Variants in PMPCB observed in about 807,000 individuals in gnomAD.
PMPCB encodes peptidase, mitochondrial processing subunit beta, also known as mitochondrial-processing peptidase subunit beta.
Under a neutral mutation model 61.5 loss-of-function variants are expected in PMPCB, and 46 were observed. The ratio of observed to expected loss-of-function variants is 0.75; its 90% CI spans 0.59 to 0.96. PMPCB has a LOEUF of 0.96. PMPCB is among the 40% of genes least tolerant of loss of function. The probability of loss-of-function intolerance (pLI) is 0.00; values close to 1 mark genes in which losing one functional copy is unlikely to be tolerated. For synonymous variants in PMPCB, 191 were observed against 201.6 expected (o/e 0.95, Z 0.44); for missense variants, 590 against 602.4 (o/e 0.98, Z 0.22).
At chr7:103,323,506 A>G (rs1586084288) in intron 12 of PMPCB, 1 of 1,259,794 alleles carries the variant, frequency 7.9e-7, no homozygotes, top group Non-Finnish European at 1.1e-6. Context: ...AAGAGAAAAT[A>G]TGAAAGAAAA....
rs753585538 is a variant in PMPCB, at chr7:103,312,282, A to G, written c.*11A>G. ...TGGCTTCGTGATTAAAATGCTCCTA[A>G]TCAAGATTGTTTGAACACATGTATT... On this transcript the variant is annotated 3_prime_UTR_variant, in exon 13 of 13. Coordinates refer to ENST00000249269, the MANE Select transcript of PMPCB (RefSeq NM_004279.3). 2 of 1,608,840 alleles carry G rather than the reference A, an allele frequency of 1.2e-6. No homozygotes were observed. Among genetic ancestry groups the G allele is most frequent in the Admixed American group, 1.7e-5 (1 of 60,004 alleles).
chr7:103,315,678 T>G, downstream of PMPCB: 4 of 841,502 alleles, frequency 4.8e-6, no homozygotes, highest in Non-Finnish European at 7.7e-6. Flanking sequence ...TTCCCTATCA[T>G]TCTGAACATA....
chr7:103,334,972 T>A, the PMPCB span, among the ~76,000 whole-genome samples: 2 of 152,072 alleles, frequency 1.3e-5, no homozygotes, highest in African/African-American at 4.8e-5. Context: ...TAGCTGGGAT[T>A]ACAGGCATGC....
intron 12 of PMPCB, chr7:103,319,907 A>G (rs1818286659): frequency 1.3e-6 from 2 of 1,537,870 alleles, no homozygotes; most frequent in Non-Finnish European, 1.8e-6. Flanking sequence ...CATAATTACA[A>G]AGCTGTAATC....
At chr7:103,307,173 G>T (rs1410776037) in intron 6 of PMPCB, among the ~76,000 whole-genome samples, 1 of 152,206 alleles carries the variant, frequency 6.6e-6, no homozygotes, top group Non-Finnish European at 1.5e-5. Context: ...GATTATAGGC[G>T]TGAGCCACCA....
chr7:103,320,274 G>C (rs1818312147), intron 12 of PMPCB, among the ~76,000 whole-genome samples: 1 of 151,784 alleles, frequency 6.6e-6, no homozygotes, highest in African/African-American at 2.4e-5. Context: ...ATATTTAGTA[G>C]AGACGGGGTT....
downstream of PMPCB, among the ~76,000 whole-genome samples, chr7:103,331,809 A>G (rs575893219): frequency 6.6e-6 from 1 of 152,308 alleles, no homozygotes; most frequent in Admixed American, 6.5e-5. Context: ...AGCCACAATA[A>G]AAACATGGGA....
intron 12 of PMPCB, among the ~76,000 whole-genome samples, chr7:103,321,291 G>C (rs919169545): frequency 6.6e-6 from 1 of 152,012 alleles, no homozygotes; most frequent in Non-Finnish European, 1.5e-5. Context: ...GGCTGAGATG[G>C]GTGGATCATG....
At chr7:103,341,901 T>C in the PMPCB span, 1 of 1,612,530 alleles carries the variant, frequency 6.2e-7, no homozygotes. Flanking sequence ...TTTCTCCTCT[T>C]AACAAAAGCT....
At chr7:103,309,705 G>A (rs1817685037) in intron 8 of PMPCB, among the ~76,000 whole-genome samples, 2 of 152,164 alleles carry the variant, frequency 1.3e-5, no homozygotes, top group Non-Finnish European at 2.9e-5. Context: ...ATACCAAGGT[G>A]ATGTAAGAAC....
intron 6 of PMPCB, among the ~76,000 whole-genome samples, chr7:103,304,808 A>G (rs553152541): frequency 9.2e-5 from 14 of 152,192 alleles, no homozygotes; most frequent in Admixed American, 3.9e-4. Context: ...TAAAAATACA[A>G]AGTAGCTGGG....
At chr7:103,298,840 A>G (rs970540317) in intron 2 of PMPCB, 132 bp downstream of exon 2, 2 of 799,378 alleles carry the variant, frequency 2.5e-6, no homozygotes, top group African/African-American at 1.7e-5. Flanking sequence ...ACAGATTTCC[A>G]TGAGTTGTGA....
Position 103,311,744 on chromosome 7 carries a change from T to C in PMPCB, c.1240+16T>C, listed in dbSNP as rs749940545. The C allele has an allele frequency of 1.5e-5, 24 of 1,609,114 alleles. No individual in the cohort carries two copies. The highest frequency in any genetic ancestry group is 2.2e-5 in the East Asian group (1 of 44,852). On this transcript the variant is annotated intron_variant, in intron 10 of 12. Transcript: ENST00000249269. The stretch of plus-strand genomic sequence containing the variant: ...CAGCTTGATGGTAAAAATAAAGATA[T>C]AGGTTCTGTTTTCATATGGTTGATC...
At chr7:103,310,597 C>T in intron 9 of PMPCB, 122 bp downstream of exon 9, 2 of 639,182 alleles carry the variant, frequency 3.1e-6, no homozygotes, top group Non-Finnish European at 4.9e-6. Flanking sequence ...CCTAGATAAA[C>T]AGTAGTTGCC....
the PMPCB span, chr7:103,335,494 G>C: frequency 2.0e-5 from 3 of 151,698 alleles, no homozygotes; most frequent in Admixed American, 6.6e-5. Context: ...TTTTTGGCTA[G>C]AGAATACATA....
chr7:103,308,082 T>C (rs1291124730), intron 7 of PMPCB, among the ~76,000 whole-genome samples: 2 of 152,242 alleles, frequency 1.3e-5, no homozygotes, highest in Non-Finnish European at 2.9e-5. Flanking sequence ...ACTTCAGGTT[T>C]ACTCTTGGCT....
chr7:103,333,000 T>G (rs1324597024), downstream of PMPCB, among the ~76,000 whole-genome samples: 1 of 152,218 alleles, frequency 6.6e-6, no homozygotes, highest in Non-Finnish European at 1.5e-5. Context: ...ATTTCAAATT[T>G]TTTTAGATTT....
In PMPCB at chr7:103,313,738, C is replaced by T. The variant is rs1817888607; in HGVS notation, c.*1467C>T. The T allele has an allele frequency of 1.0e-6, 1 of 985,112 alleles. No individual in the cohort carries two copies. The highest frequency in any genetic ancestry group is 1.2e-6 in the Non-Finnish European group (1 of 829,674). The allele number at this position is 985,112 out of a possible 1,614,324, so 61.0% of individuals were successfully genotyped here. A position where few individuals can be genotyped will look rare whatever the true frequency, so the allele number is the denominator to read the frequency against. On this transcript the variant is annotated 3_prime_UTR_variant, in exon 13 of 13. Coordinates refer to ENST00000249269, the MANE Select transcript of PMPCB (RefSeq NM_004279.3). ...CTGCTATTGTGGTTCTTCAACTAAA[C>T]CTTGTATATTTCAGAAAACATCTAA...
chr7:103,304,079 ATGAATGT>A, intron 5 of PMPCB, 39 bp downstream of exon 5: 1 of 1,369,990 alleles, frequency 7.3e-7, no homozygotes, highest in Non-Finnish European at 1.0e-6. Flanking sequence ...AAGGGAATTT[ATGAATGT>A]TGAAAATAAA....
Sources: allele counts gnomAD v4.1 joint callset (sites outside exome capture counted in the v4.1 genomes callset), GRCh38; gene constraint gnomAD v4.1.1; transcripts MANE v1.5; gene names NCBI Gene and HGNC (gene_info 2026-07-23, HGNC 2026-07-21).